Variants in WDR19 observed in about 807,000 individuals in gnomAD.
WDR19 encodes WD repeat domain 19, also known as WD repeat-containing protein 19.
WDR19 carries 121 observed loss-of-function variants against 180.0 expected under a neutral mutation model. That is an observed-to-expected ratio of 0.67 (90% CI 0.58 to 0.78). The LOEUF is 0.78. WDR19 is among the 30% of genes least tolerant of loss of function. The probability of loss-of-function intolerance (pLI) is 0.00; values close to 1 mark genes in which losing one functional copy is unlikely to be tolerated. For missense variants in WDR19, 1,450 were observed against 1,640.7 expected, an observed-to-expected ratio of 0.88 and a Z score of 2.01; for synonymous variants, 497 against 540.7, an observed-to-expected ratio of 0.92 and a Z score of 1.12.
intron 9 of WDR19, among the ~76,000 whole-genome samples, chr4:39,213,252 T>C (rs2109319406): frequency 6.6e-6 from 1 of 152,196 alleles, no homozygotes; most frequent in East Asian, 1.9e-4. Context: ...TCCAGAGAAA[T>C]GAACACCTAC....
chr4:39,229,992 A>G (rs977621740), intron 17 of WDR19, among the ~76,000 whole-genome samples: 19 of 152,268 alleles, frequency 1.2e-4, no homozygotes, highest in African/African-American at 4.3e-4. Flanking sequence ...TGTGTAATGT[A>G]ACTAACCACT....
rs138634981 is a variant in WDR19, at chr4:39,265,563, G to T, written c.3184-500G>T. On this transcript the variant is annotated intron_variant, in intron 28 of 36. Transcript: ENST00000399820. ...CTGAGGCGAGCAGATCACAAGGTCA[G>T]GAGATCGAGACCATCGTGGCCAACA... is the stretch of plus-strand genomic sequence containing the variant. Among the ~76,000 whole-genome samples the T allele has an allele frequency of 3.1e-3, 474 of 151,996 alleles. 3 individuals are homozygous for T. The highest frequency in any genetic ancestry group is 0.011 in the African/African-American group (448 of 41,490).
At chr4:39,234,176 A>G (rs139531788) in intron 19 of WDR19, among the ~76,000 whole-genome samples, 14 of 152,322 alleles carry the variant, frequency 9.2e-5, no homozygotes, top group African/African-American at 3.4e-4. Context: ...AATGTTAGCT[A>G]TTATTGTTTA....
At chr4:39,185,596 A>G (rs1725429027) in intron 1 of WDR19, 130 bp from the exon 2 acceptor site, 1 of 777,198 alleles carries the variant, frequency 1.3e-6, no homozygotes, top group Non-Finnish European at 2.1e-6. Flanking sequence ...CTTCTAGATA[A>G]GCTCTAACAT....
intron 21 of WDR19, among the ~76,000 whole-genome samples, chr4:39,241,322 A>G (rs1037588905): frequency 6.6e-6 from 1 of 151,998 alleles, no homozygotes; most frequent in Non-Finnish European, 1.5e-5. Context: ...GCAAAACCCC[A>G]TCTCTACTAG....
chr4:39,216,199 T>C lies in WDR19; in HGVS notation c.1238T>C (p.Leu413Pro). ...AATAATCGAGCTTGGTTTTATGTCC[T>C]TGGAGAAAATGGCAAGTCTAAATCC... The part of the protein sequence containing the change: ...GMNNRAWFYV[L>P]GENAVKKLKD... Residue 413 changes from leucine (L) to proline (P), a missense_variant, in exon 12 of 37, where the codon CTT (leucine) becomes CCT (proline). Leu to Pro is a moderately conservative substitution (Grantham distance 98, BLOSUM62 -3). Transcript: ENST00000399820. The C allele has an allele frequency of 6.4e-7, 1 of 1,565,516 alleles. No homozygotes were observed. Among genetic ancestry groups the C allele is most frequent in the Non-Finnish European group, 8.6e-7 (1 of 1,156,484 alleles).
chr4:39,194,626 A>G lies in WDR19; in HGVS notation c.373A>G (p.Asn125Asp), dbSNP rs568869081. 6.2e-7 allele frequency: 1 copy of G among 1,613,038 alleles called. No individual in the cohort carries two copies. Among genetic ancestry groups the G allele is most frequent in the Non-Finnish European group, 8.5e-7 (1 of 1,179,382 alleles). Reference sequence around the variant, plus strand: ...TGTTAAAGGAAATTTGCTTATTTATAATCATCAGACATCTCGAAAGATTCC... The same window carrying G: ...TGTTAAAGGAAATTTGCTTATTTATGATCATCAGACATCTCGAAAGATTCC... Reference protein sequence around the residue: ...GTVKGNLLIYNHQTSRKIPVL... With the variant: ...GTVKGNLLIYDHQTSRKIPVL... The change falls in exon 5 of 37, where the codon AAT becomes GAT. Residue 125 changes from asparagine (N) to aspartate (D), a missense_variant. Transcript: ENST00000399820.
intron 14 of WDR19, among the ~76,000 whole-genome samples, chr4:39,222,294 A>T (rs1448327570): frequency 1.3e-5 from 2 of 152,128 alleles, no homozygotes; most frequent in Non-Finnish European, 2.9e-5. Context: ...AGAGTTCTTT[A>T]TATATATTTG....
Position 39,228,577 on chromosome 4 carries a change from G to C in WDR19, c.1869G>C (p.Gln623His). ...LYNGELTCQT[Q>H]SGKVNNIYLS... is the part of the protein sequence containing the mutation. ...ATGGAGAGCTGACCTGCCAAACACA[G>C]AGTGGAAAAGTAAACAACATCTACC... The change falls in exon 17 of 37, where the codon CAG (glutamine) becomes CAC (histidine). Residue 623 changes from glutamine to histidine, a missense_variant. Coordinates refer to ENST00000399820, the MANE Select transcript of WDR19 (RefSeq NM_025132.4). 1 of 1,613,918 alleles carries C rather than the reference G, an allele frequency of 6.2e-7. No homozygotes were observed. The highest frequency in any genetic ancestry group is 2.2e-5 in the East Asian group (1 of 44,876).
chr4:39,271,967 G>A (rs1288965207), intron 31 of WDR19, among the ~76,000 whole-genome samples: 1 of 152,204 alleles, frequency 6.6e-6, no homozygotes, highest in Non-Finnish European at 1.5e-5. Context: ...AGCCATACGT[G>A]ATTAATGCCT....
At chr4:39,250,414 A>C (rs1733036278) in intron 24 of WDR19, among the ~76,000 whole-genome samples, 1 of 152,224 alleles carries the variant, frequency 6.6e-6, no homozygotes, top group Non-Finnish European at 1.5e-5. Flanking sequence ...TGAACGGACA[A>C]AAACTGGAAG....
chr4:39,217,380 C>G (rs1304319592), intron 13 of WDR19, 140 bp downstream of exon 13: 2 of 661,976 alleles, frequency 3.0e-6, no homozygotes, highest in Non-Finnish European at 5.0e-6. Context: ...TTAACAAAAC[C>G]CTTCCCCTTC....
intron 4 of WDR19, among the ~76,000 whole-genome samples, chr4:39,191,376 A>G (rs1288165937): frequency 6.6e-6 from 1 of 152,212 alleles, no homozygotes; most frequent in Non-Finnish European, 1.5e-5. Context: ...GCTTTTAAGC[A>G]ATTTAGGTTT....
At chr4:39,261,978 G>C (rs538690336) in intron 28 of WDR19, among the ~76,000 whole-genome samples, 2 of 151,970 alleles carry the variant, frequency 1.3e-5, no homozygotes, top group East Asian at 3.9e-4. Flanking sequence ...TTATTCTCAA[G>C]CTGCAAAACC....
chr4:39,228,148 C>T, intron 15 of WDR19, 62 bp from the exon 16 acceptor site: 2 of 1,578,158 alleles, frequency 1.3e-6, no homozygotes, highest in Non-Finnish European at 1.7e-6. Context: ...AGGCTTCTAC[C>T]ACGGCAAATG....
chr4:39,261,033 G>A lies in WDR19; in HGVS notation c.3183+3479G>A, dbSNP rs117000773. 1.3e-3 allele frequency among the ~76,000 whole-genome samples: 203 copies of A among 151,698 alleles called. 1 individual carries two copies. Among genetic ancestry groups the A allele is most frequent in the East Asian group, 5.6e-3 (29 of 5,156 alleles). On this transcript the variant is annotated intron_variant, in intron 28 of 36. Coordinates refer to ENST00000399820, the MANE Select transcript of WDR19 (RefSeq NM_025132.4). ...TGTTTCGTTGTTGTTGTTTTTTGTC[G>A]CACAGGCTGGAGTGCAGTGGCACGA... is the stretch of plus-strand genomic sequence containing the variant.
chr4:39,271,826 A>G (rs1034358376), intron 31 of WDR19, among the ~76,000 whole-genome samples: 1 of 152,232 alleles, frequency 6.6e-6, no homozygotes, highest in African/African-American at 2.4e-5. Flanking sequence ...TTCTACAGTG[A>G]TAGAACTATT....
At chr4:39,242,071 A>ATTTTTTTTTTTTTTTTTTTTTT (rs1732013488) in intron 21 of WDR19, among the ~76,000 whole-genome samples, 1 of 151,218 alleles carries the variant, frequency 6.6e-6, no homozygotes, top group African/African-American at 2.4e-5. Context: ...ATCTGTCTTA[A>ATTTTTTTTTTTTTTTTTTTTTT]TCTTTTTATT....
intron 23 of WDR19, 120 bp from the exon 24 acceptor site, chr4:39,245,249 A>G (rs1046675234): frequency 1.5e-5 from 12 of 807,604 alleles, no homozygotes; most frequent in South Asian, 2.3e-5. Flanking sequence ...CCAGGAGCCA[A>G]GATTTTTGAA....
Sources: allele counts gnomAD v4.1 joint callset (sites outside exome capture counted in the v4.1 genomes callset), GRCh38; gene constraint gnomAD v4.1.1; transcripts MANE v1.5; gene names NCBI Gene and HGNC (gene_info 2026-07-23, HGNC 2026-07-21).